SOX5: variants seen among roughly 807,000 people sequenced by gnomAD.
The protein encoded by SOX5 is transcription factor SOX-5.
A neutral mutation model predicts 92.0 loss-of-function variants in SOX5; 9 were observed. The ratio of observed to expected loss-of-function variants is 0.10; its 90% CI spans 0.06 to 0.17. The LOEUF is 0.17. Ranked by LOEUF, SOX5 falls within the 10% of genes least tolerant of loss-of-function variation. The pLI is 1.00. For synonymous variants in SOX5, 344 were observed against 336.3 expected (o/e 1.02, Z -0.25); for missense variants, 642 against 944.5 (o/e 0.68, Z 4.20).
At chr12:23,645,751 T>C (rs1197184737) in intron 7 of SOX5, among the ~76,000 whole-genome samples, 3 of 143,796 alleles carry the variant, frequency 2.1e-5, no homozygotes, top group South Asian at 2.2e-4. Flanking sequence ...AAATTAACTA[T>C]CTTTCCTTTG....
chr12:23,983,876 A>G (rs1392664247), intron 4 of SOX5, among the ~76,000 whole-genome samples: 1 of 152,204 alleles, frequency 6.6e-6, no homozygotes, highest in African/African-American at 2.4e-5. Context: ...AGGTAAAACA[A>G]ATTAAAACAA....
chr12:23,653,765 T>C (rs2081979966), intron 7 of SOX5, among the ~76,000 whole-genome samples: 1 of 152,028 alleles, frequency 6.6e-6, no homozygotes, highest in South Asian at 2.1e-4. Flanking sequence ...TCACCTCCTA[T>C]TAACTTGAAG....
At chr12:24,101,160 TCAAAC>T (rs1946049665) in intron 4 of SOX5, among the ~76,000 whole-genome samples, 1 of 152,070 alleles carries the variant, frequency 6.6e-6, no homozygotes, top group African/African-American at 2.4e-5. Context: ...AAACTAAACT[TCAAAC>T]CAAGTCTTTC....
intron 3 of SOX5, among the ~76,000 whole-genome samples, chr12:23,782,630 A>G (rs2095304639): frequency 6.6e-6 from 1 of 152,184 alleles, no homozygotes; most frequent in South Asian, 2.1e-4. Flanking sequence ...TTTACTACAA[A>G]TAACAAATTC....
chr12:23,676,295 G>A (rs1011777278), intron 6 of SOX5, among the ~76,000 whole-genome samples: 9 of 152,178 alleles, frequency 5.9e-5, no homozygotes, highest in South Asian at 2.1e-4. Context: ...ATTTCACTAC[G>A]TATACGTACA....
intron 3 of SOX5, among the ~76,000 whole-genome samples, chr12:23,800,927 G>A (rs1428859496): frequency 6.6e-6 from 1 of 152,146 alleles, no homozygotes; most frequent in East Asian, 1.9e-4. Flanking sequence ...TGGAGAACTT[G>A]TTAAAACACA....
intron 6 of SOX5, among the ~76,000 whole-genome samples, chr12:23,669,114 A>G (rs2084340710): frequency 6.6e-6 from 1 of 152,192 alleles, no homozygotes. Flanking sequence ...TAAAAGATGA[A>G]TTCACATACA....
intron 3 of SOX5, among the ~76,000 whole-genome samples, chr12:23,800,660 T>C (rs1457212861): frequency 6.6e-6 from 1 of 152,118 alleles, no homozygotes; most frequent in African/African-American, 2.4e-5. Flanking sequence ...CATTTACACC[T>C]GTCATATTAA....
At chr12:24,545,007 T>C (rs1952483692) in intron 1 of SOX5, among the ~76,000 whole-genome samples, 1 of 152,218 alleles carries the variant, frequency 6.6e-6, no homozygotes, top group Non-Finnish European at 1.5e-5. Context: ...GAGTAATATA[T>C]TTTTTATTGA....
chr12:24,112,007 T>C (rs562481791), intron 4 of SOX5, among the ~76,000 whole-genome samples: 2 of 152,264 alleles, frequency 1.3e-5, no homozygotes, highest in African/African-American at 4.8e-5. Flanking sequence ...ATGAACAAAG[T>C]AACCAAGCTT....
At chr12:23,832,363 A>G (rs1326125164) in intron 3 of SOX5, among the ~76,000 whole-genome samples, 1 of 152,022 alleles carries the variant, frequency 6.6e-6, no homozygotes, top group Non-Finnish European at 1.5e-5. Flanking sequence ...TGTTGAGTTC[A>G]TTATTGTTCT....
chr12:24,139,932 G>T (rs1032927740), intron 4 of SOX5, among the ~76,000 whole-genome samples: 1 of 152,096 alleles, frequency 6.6e-6, no homozygotes, highest in African/African-American at 2.4e-5. Context: ...ACCGTCATCA[G>T]AATCCACACT....
intron 3 of SOX5, among the ~76,000 whole-genome samples, chr12:23,770,785 C>T (rs4293214): frequency 0.48 from 72,906 of 151,888 alleles, 17,719 homozygotes; most frequent in East Asian, 0.58. Flanking sequence ...TTATCCCATG[C>T]AGTTAAATCA....
chr12:24,277,413 A>T (rs1039637711), intron 2 of SOX5: 3 of 77,724 alleles, frequency 3.9e-5, no homozygotes, highest in African/African-American at 1.1e-4. Flanking sequence ...TTTCAAAAGA[A>T]ATTTATATTT....
At chr12:24,193,100 A>G (rs1956683869) in intron 4 of SOX5, among the ~76,000 whole-genome samples, 1 of 152,232 alleles carries the variant, frequency 6.6e-6, no homozygotes, top group South Asian at 2.1e-4. Context: ...GCTTAAAACC[A>G]GAGAGATGTA....
intron 4 of SOX5, among the ~76,000 whole-genome samples, chr12:23,980,143 C>A (rs1281860585): frequency 3.3e-5 from 5 of 151,952 alleles, no homozygotes. Context: ...TTAGCACTTG[C>A]ATTTCATATA....
intron 1 of SOX5, among the ~76,000 whole-genome samples, chr12:24,444,718 G>C (rs148337061): frequency 8.9e-4 from 136 of 152,274 alleles, no homozygotes; most frequent in Non-Finnish European, 1.5e-3. Flanking sequence ...AATGTCTAAC[G>C]TCTGCTAAAT....
At chr12:23,731,864 A>C (rs528091096) in intron 6 of SOX5, among the ~76,000 whole-genome samples, 41 of 152,308 alleles carry the variant, frequency 2.7e-4, no homozygotes, top group African/African-American at 9.1e-4. Context: ...TTGTTTTCTA[A>C]GGTCTGGAAC....
chr12:24,139,693 T>G (rs1195131703), intron 4 of SOX5, among the ~76,000 whole-genome samples: 1 of 152,214 alleles, frequency 6.6e-6, no homozygotes, highest in Non-Finnish European at 1.5e-5. Flanking sequence ...TAGAGGACAT[T>G]TGCTCTCCAT....
Sources: allele counts gnomAD v4.1 joint callset (sites outside exome capture counted in the v4.1 genomes callset), GRCh38; gene constraint gnomAD v4.1.1; transcripts MANE v1.5; gene names NCBI Gene and HGNC (gene_info 2026-07-23, HGNC 2026-07-21).